FNBP1L: variants seen among roughly 807,000 people sequenced by gnomAD.
FNBP1L encodes formin-binding protein 1-like.
A neutral mutation model predicts 91.2 loss-of-function variants in FNBP1L; 36 were observed. The observed-to-expected ratio is 0.39, with a 90% CI of 0.30 to 0.52. FNBP1L has a LOEUF of 0.52. FNBP1L is among the 20% of genes least tolerant of loss of function. FNBP1L has a pLI of 0.66. For synonymous variants in FNBP1L, 242 were observed against 237.0 expected, an observed-to-expected ratio of 1.02 and a Z score of -0.19; for missense variants, 571 against 732.1, an observed-to-expected ratio of 0.78 and a Z score of 2.54.
intron 7 of FNBP1L, among the ~76,000 whole-genome samples, chr1:93,532,000 T>C (rs1238944417): frequency 6.6e-6 from 1 of 152,208 alleles, no homozygotes; most frequent in African/African-American, 2.4e-5. Flanking sequence ...GAATTTTCAG[T>C]TGTGAGGATT....
At chr1:93,495,777 C>T (rs138313689) in intron 1 of FNBP1L, among the ~76,000 whole-genome samples, 16 of 152,000 alleles carry the variant, frequency 1.1e-4, no homozygotes, top group African/African-American at 3.9e-4. Flanking sequence ...GAAATTTGAG[C>T]TATATAGAAA....
chr1:93,549,431 G>A lies in FNBP1L; in HGVS notation c.1651+5G>A, dbSNP rs1244464966. ...AAGCTATCTACCCTTTTGATGGTAT[G>A]ATTTTCTTAATAATATTGTATGTAA... On this transcript the variant is annotated splice_donor_5th_base_variant and intron_variant, in intron 15 of 16. Coordinates refer to ENST00000271234, the MANE Select transcript of FNBP1L (RefSeq NM_001164473.3). 1.9e-6 allele frequency: 3 copies of A among 1,563,510 alleles called. No homozygotes were observed. The highest frequency in any genetic ancestry group is 2.1e-5 in the Admixed American group (1 of 47,470).
chr1:93,548,548 T>C (rs1672311511), intron 14 of FNBP1L, among the ~76,000 whole-genome samples: 2 of 152,178 alleles, frequency 1.3e-5, no homozygotes. Context: ...ATGAATACTT[T>C]ACCCATGCTG....
intron 2 of FNBP1L, among the ~76,000 whole-genome samples, chr1:93,520,427 C>G (rs756340551): frequency 1.1e-4 from 17 of 152,088 alleles, no homozygotes; most frequent in South Asian, 2.1e-4. Context: ...CCATTGTGTA[C>G]TGATGCTTTT....
At chr1:93,507,102 CA>C (rs1276862555) in intron 2 of FNBP1L, among the ~76,000 whole-genome samples, 4 of 71,486 alleles carry the variant, frequency 5.6e-5, no homozygotes, top group African/African-American at 1.5e-4. Context: ...CACACACACA[CA>C]CACACTCTCT....
intron 1 of FNBP1L, among the ~76,000 whole-genome samples, chr1:93,497,838 T>C (rs923174721): frequency 2.6e-5 from 4 of 152,122 alleles, no homozygotes; most frequent in Admixed American, 2.0e-4. Context: ...CAGGCTGGTC[T>C]CGAACTCCTG....
chr1:93,536,608 A>T, intron 10 of FNBP1L, 118 bp downstream of exon 10: 1 of 922,298 alleles, frequency 1.1e-6, no homozygotes, highest in Non-Finnish European at 1.5e-6. Flanking sequence ...TAAAAACACC[A>T]CAGAATTAAG....
intron 10 of FNBP1L, among the ~76,000 whole-genome samples, chr1:93,538,693 A>T (rs975502112): frequency 6.6e-5 from 10 of 152,086 alleles, no homozygotes; most frequent in Non-Finnish European, 7.4e-5. Flanking sequence ...AAGCCTGCTT[A>T]TATGTTTTTA....
chr1:93,549,255 A>C (rs778932450), intron 14 of FNBP1L, 23 bp from the exon 15 acceptor site: 1 of 1,585,322 alleles, frequency 6.3e-7, no homozygotes, highest in East Asian at 2.2e-5. Context: ...ATACTTGATC[A>C]GAGATAATTT....
At chr1:93,494,346 C>G (rs1246103533) in intron 1 of FNBP1L, among the ~76,000 whole-genome samples, 2 of 152,186 alleles carry the variant, frequency 1.3e-5, no homozygotes, top group Admixed American at 6.5e-5. Context: ...GATGTGTTCA[C>G]CTACCCAGAA....
intron 2 of FNBP1L, among the ~76,000 whole-genome samples, chr1:93,514,277 C>G (rs908557066): frequency 3.1e-4 from 47 of 152,060 alleles, no homozygotes; most frequent in African/African-American, 1.1e-3. Context: ...AGGATACAAA[C>G]AAATGGAAGA....
At chr1:93,449,330 G>A (rs1170885565) in intron 1 of FNBP1L, among the ~76,000 whole-genome samples, 1 of 152,118 alleles carries the variant, frequency 6.6e-6, no homozygotes, top group East Asian at 1.9e-4. Context: ...GGGCGTGGGG[G>A]CGCTGTCCCG....
chr1:93,536,558 C>G, intron 10 of FNBP1L, 68 bp downstream of exon 10: 2 of 1,346,678 alleles, frequency 1.5e-6, no homozygotes, highest in Non-Finnish European at 2.0e-6. Flanking sequence ...TTAATACTCT[C>G]CACCCTCATT....
intron 1 of FNBP1L, among the ~76,000 whole-genome samples, chr1:93,482,972 C>T (rs1285249784): frequency 2.0e-5 from 3 of 150,050 alleles, no homozygotes; most frequent in East Asian, 2.0e-4. Context: ...GAGCCGAGAT[C>T]GTGCCACTGC....
At chr1:93,459,255 C>G (rs1165247567) in intron 1 of FNBP1L, among the ~76,000 whole-genome samples, 1 of 152,128 alleles carries the variant, frequency 6.6e-6, no homozygotes, top group East Asian at 1.9e-4. Context: ...GTGAGAGAGA[C>G]TCTGTCTCAC....
At position 93,494,894 on chromosome 1, in the gene FNBP1L, A is replaced by C. The variant is rs549444460; in HGVS notation, c.25-4574A>C. Among the ~76,000 whole-genome samples, 65 of 151,952 alleles carry C rather than the reference A, an allele frequency of 4.3e-4. 1 individual carries two copies. The highest frequency in any genetic ancestry group is 1.4e-3 in the Admixed American group (21 of 15,236). ...AGAGAGCATTGGCATTTGCAGGGGA[A>C]CTCCCCTTTATAAAACCATCAGATC... is the stretch of plus-strand genomic sequence containing the variant. On this transcript the variant is annotated intron_variant, in intron 1 of 16. Transcript: ENST00000271234.
Position 93,522,151 on chromosome 1 carries a change from G to T in FNBP1L, c.194+16G>T. ...AAGAGCCACGGTAAATTACATACCT[G>T]TTCATTAATGCATATTAAAAAATTT... On this transcript the variant is annotated intron_variant, in intron 3 of 16. Coordinates refer to ENST00000271234, the MANE Select transcript of FNBP1L (RefSeq NM_001164473.3). The T allele has an allele frequency of 7.3e-7, 1 of 1,375,870 alleles. No homozygotes were observed. Among genetic ancestry groups the T allele is most frequent in the Non-Finnish European group, 9.6e-7 (1 of 1,045,532 alleles). 85.2% of individuals were successfully genotyped at this position (1,375,870 alleles called of 1,614,324 possible).
chr1:93,484,188 A>G (rs1281513680), intron 1 of FNBP1L, among the ~76,000 whole-genome samples: 2 of 152,196 alleles, frequency 1.3e-5, no homozygotes, highest in African/African-American at 4.8e-5. Context: ...TGGCCTCCCA[A>G]AGTGCTGGGA....
At chr1:93,481,732 C>A (rs190672209) in intron 1 of FNBP1L, among the ~76,000 whole-genome samples, 1 of 152,240 alleles carries the variant, frequency 6.6e-6, no homozygotes, top group East Asian at 1.9e-4. Context: ...AATAAACTGT[C>A]CATTTCTACG....
Sources: allele counts gnomAD v4.1 joint callset (sites outside exome capture counted in the v4.1 genomes callset), GRCh38; gene constraint gnomAD v4.1.1; transcripts MANE v1.5; gene names NCBI Gene and HGNC (gene_info 2026-07-23, HGNC 2026-07-21).